Variants in GSE1 observed in about 807,000 individuals in gnomAD.
GSE1 encodes Gse1 coiled-coil protein.
GSE1 carries 32 observed loss-of-function variants against 112.6 expected under a neutral mutation model. The ratio of observed to expected loss-of-function variants is 0.28; its 90% CI spans 0.21 to 0.38. The LOEUF (loss-of-function observed/expected upper bound fraction) is 0.38. GSE1 is among the 10% of genes least tolerant of loss of function. The pLI is 1.00. For synonymous variants in GSE1, 1,115 were observed against 735.6 expected (o/e 1.52, Z -8.35); for missense variants, 2,348 against 1,699.2 (o/e 1.38, Z -6.71).
chr16:85,325,387 C>T (rs373389925), intron 1 of GSE1, among the ~76,000 whole-genome samples: 1 of 151,830 alleles, frequency 6.6e-6, no homozygotes, highest in Non-Finnish European at 1.5e-5. Context: ...TCCAGTGTCA[C>T]GATCATGGTT....
chr16:85,555,282 CCTGCCTCCTT>C (rs2045144457), upstream of GSE1: 2 of 985,370 alleles, frequency 2.0e-6, no homozygotes, highest in Non-Finnish European at 2.4e-6. Flanking sequence ...CCGCTCTCCT[CCTGCCTCCTT>C]CTGCCCAGGC....
At chr16:85,204,412 T>C (rs4365278) in intron 1 of GSE1, among the ~76,000 whole-genome samples, 90,992 of 152,126 alleles carry the variant, frequency 0.6, 27,965 homozygotes, top group African/African-American at 0.69. Context: ...CTGCTGTGAA[T>C]ATGTGAGTAC....
At chr16:85,362,524 T>C (rs2047102928) in intron 2 of GSE1, among the ~76,000 whole-genome samples, 1 of 152,216 alleles carries the variant, frequency 6.6e-6, no homozygotes, top group Admixed American at 6.5e-5. Flanking sequence ...GTTCAGGACC[T>C]TCCCTGGGCT....
chr16:85,421,576 C>A (rs60629053), intron 2 of GSE1, among the ~76,000 whole-genome samples: 4,207 of 152,230 alleles, frequency 0.028, 207 homozygotes, highest in African/African-American at 0.097. Context: ...TCTGACCAGG[C>A]GGGGAGGAGA....
intron 1 of GSE1, among the ~76,000 whole-genome samples, chr16:85,186,013 G>A (rs984215323): frequency 1.3e-5 from 2 of 152,224 alleles, no homozygotes; most frequent in Non-Finnish European, 2.9e-5. Flanking sequence ...GAGAGTAGAT[G>A]GAAGCCAGCG....
At chr16:85,274,513 G>A (rs570871905) in intron 1 of GSE1, among the ~76,000 whole-genome samples, 1 of 152,362 alleles carries the variant, frequency 6.6e-6, no homozygotes, top group Non-Finnish European at 1.5e-5. Flanking sequence ...CCCAGTGGCT[G>A]TGCACTTTGC....
At chr16:85,229,928 G>C (rs1295234191) in intron 1 of GSE1, among the ~76,000 whole-genome samples, 2 of 152,208 alleles carry the variant, frequency 1.3e-5, no homozygotes, top group African/African-American at 4.8e-5. Flanking sequence ...GGGGAAGAAA[G>C]TGTCTCCCAG....
At chr16:85,215,954 G>C (rs1390112375) in intron 1 of GSE1, among the ~76,000 whole-genome samples, 1 of 152,212 alleles carries the variant, frequency 6.6e-6, no homozygotes, top group Non-Finnish European at 1.5e-5. Context: ...AAACCCAGCT[G>C]TGAGCAGAGC....
chr16:85,410,630 G>A (rs1218872737), intron 2 of GSE1, among the ~76,000 whole-genome samples: 1 of 1,224 alleles, frequency 8.2e-4, no homozygotes, highest in Admixed American at 7.5e-3. Context: ...TCAGGCCCCC[G>A]GATAATCCTC....
Position 85,663,251 on chromosome 16 carries a change from C to T in GSE1, c.2374-93C>T, listed in dbSNP as rs187371754. The T allele has an allele frequency of 3.5e-4, 511 of 1,446,296 alleles. No individual in the cohort carries two copies. The African/African-American group carries it at 5.8e-3, about 16-fold the overall frequency. 89.6% of individuals were successfully genotyped at this position (1,446,296 alleles called of 1,614,324 possible). A position where few individuals can be genotyped will look rare whatever the true frequency, so the allele number is the denominator to read the frequency against. Reference sequence around the variant, plus strand: ...CCACCAGGCGCAGCCAGCTACGGCCCACACTTCGAGGACCCCAGGAGGGGA... The same window carrying T: ...CCACCAGGCGCAGCCAGCTACGGCCTACACTTCGAGGACCCCAGGAGGGGA... On this transcript the variant is annotated intron_variant, in intron 10 of 15. Coordinates refer to ENST00000253458, the MANE Select transcript of GSE1 (RefSeq NM_014615.5).
chr16:85,593,914 G>C (rs969006454), intron 1 of GSE1: 1 of 152,494 alleles, frequency 6.6e-6, no homozygotes, highest in East Asian at 1.9e-4. Flanking sequence ...CTTCTGGGGG[G>C]GCCGGAGGGG....
At chr16:85,611,455 G>A (rs956708546), upstream of GSE1, 7 of 985,190 alleles carry the variant, frequency 7.1e-6, no homozygotes, top group Non-Finnish European at 8.4e-6. Context: ...CCGCAAGGGG[G>A]GCGCCGCCGG....
chr16:85,486,787 C>G (rs951138456), intron 2 of GSE1, among the ~76,000 whole-genome samples: 2 of 152,192 alleles, frequency 1.3e-5, no homozygotes, highest in African/African-American at 4.8e-5. Flanking sequence ...GCCCCCCGTT[C>G]GTGGCTTGTG....
chr16:85,532,628 G>A (rs376543748), intron 2 of GSE1, among the ~76,000 whole-genome samples: 34 of 152,196 alleles, frequency 2.2e-4, no homozygotes, highest in East Asian at 5.8e-4. Flanking sequence ...TGCAGTGGTC[G>A]CCTCCCACCG....
Position 85,431,663 on chromosome 16 carries a change from G to A in GSE1, c.2464+74020G>A, listed in dbSNP as rs143179171. On this transcript the variant is annotated intron_variant, in intron 2 of 2. Transcript: ENST00000637419. ...ACCTGCCTCCCGCCATTGGCCTTCC[G>A]TCCTCCTTCGGAGCGAAGCTCCACC... Among the ~76,000 whole-genome samples the A allele has an allele frequency of 6.2e-3, 940 of 152,122 alleles. 6 individuals carry two copies. The highest frequency in any genetic ancestry group is 0.021 in the African/African-American group (889 of 41,480).
At chr16:85,551,440 G>C (rs1358883254), upstream of GSE1, among the ~76,000 whole-genome samples, 1 of 152,172 alleles carries the variant, frequency 6.6e-6, no homozygotes, top group East Asian at 1.9e-4. Context: ...GTAGTGATGG[G>C]TTCCAAAAGC....
At chr16:85,466,191 G>T (rs551498719) in intron 2 of GSE1, among the ~76,000 whole-genome samples, 1 of 152,226 alleles carries the variant, frequency 6.6e-6, no homozygotes, top group Non-Finnish European at 1.5e-5. Context: ...AAGCCAGGTC[G>T]TGGTAACCTG....
At chr16:85,384,997 G>A (rs963928562) in intron 2 of GSE1, among the ~76,000 whole-genome samples, 18 of 152,274 alleles carry the variant, frequency 1.2e-4, no homozygotes, top group Admixed American at 9.2e-4. Context: ...CCCTGGCCTC[G>A]GATTGGCTCG....
chr16:85,368,975 G>A (rs1206000302), intron 2 of GSE1, among the ~76,000 whole-genome samples: 1 of 152,154 alleles, frequency 6.6e-6, no homozygotes, highest in East Asian at 1.9e-4. Context: ...TCTGGAAACA[G>A]CACTCTTCCT....
Sources: allele counts gnomAD v4.1 joint callset (sites outside exome capture counted in the v4.1 genomes callset), GRCh38; gene constraint gnomAD v4.1.1; transcripts MANE v1.5; gene names NCBI Gene and HGNC (gene_info 2026-07-23, HGNC 2026-07-21).